NCOA1: variants seen among roughly 807,000 people sequenced by gnomAD.
NCOA1 encodes nuclear receptor coactivator 1.
Under a neutral mutation model 150.9 loss-of-function variants are expected in NCOA1, and 35 were observed. The observed-to-expected ratio is 0.23, with a 90% CI of 0.18 to 0.31. NCOA1 has a LOEUF of 0.31. Ranked by LOEUF, NCOA1 falls within the 10% of genes least tolerant of loss-of-function variation. The pLI, the probability that NCOA1 is intolerant of heterozygous loss-of-function variation, is 1.00. For synonymous variants in NCOA1, 590 were observed against 630.0 expected (o/e 0.94, Z 0.95); for missense variants, 1,491 against 1,749.3 (o/e 0.85, Z 2.63).
At chr2:24,582,630 A>T (rs1465610499) in intron 2 of NCOA1, among the ~76,000 whole-genome samples, 2 of 152,182 alleles carry the variant, frequency 1.3e-5, no homozygotes, top group Non-Finnish European at 2.9e-5. Context: ...GAAACCACAG[A>T]CGACCCCAAA....
chr2:24,578,940 A>G (rs1009485548), intron 2 of NCOA1, among the ~76,000 whole-genome samples: 5 of 152,214 alleles, frequency 3.3e-5, no homozygotes, highest in South Asian at 4.1e-4. Context: ...TCCATTACAT[A>G]TAAGTGTTAG....
intron 1 of NCOA1, among the ~76,000 whole-genome samples, chr2:24,557,941 T>G (rs1433408516): frequency 6.6e-6 from 1 of 151,438 alleles, no homozygotes; most frequent in Non-Finnish European, 1.5e-5. Context: ...TGTGTGTGCT[T>G]TTGGTGTTTA....
At chr2:24,656,799 C>A (rs775256156) in intron 4 of NCOA1, among the ~76,000 whole-genome samples, 106 of 152,300 alleles carry the variant, frequency 7.0e-4, no homozygotes, top group Admixed American at 1.8e-3. Context: ...AGATTTCATT[C>A]TTTTTTGTGG....
chr2:24,667,429 CA>C (rs1210579014), intron 6 of NCOA1, among the ~76,000 whole-genome samples: 1 of 151,970 alleles, frequency 6.6e-6, no homozygotes, highest in African/African-American at 2.4e-5. Context: ...TTAATGTGAA[CA>C]AAAAGCCAGG....
chr2:24,544,699 G>A (rs996895190), intron 1 of NCOA1, among the ~76,000 whole-genome samples: 7 of 152,168 alleles, frequency 4.6e-5, no homozygotes, highest in African/African-American at 1.7e-4. Context: ...TGATTGTGCT[G>A]CTGCACTCCT....
rs914961363 is a variant in NCOA1, at chr2:24,491,315, T to C, written c.-683T>C. ...CGCGGAGAGCGGCTGAAATGCCTGT[T>C]CTTCAGGCCGGGCGAGCGGGAGTCT... is the stretch of plus-strand genomic sequence containing the variant. On this transcript the variant is annotated 5_prime_UTR_variant, in exon 1 of 23. Transcript: ENST00000348332. Among the ~76,000 whole-genome samples the C allele has an allele frequency of 4.1e-5, 6 of 146,100 alleles. No individual in the cohort carries two copies. Among genetic ancestry groups the C allele is most frequent in the African/African-American group, 1.5e-4 (6 of 40,350 alleles).
At chr2:24,605,676 AGATATACACT>A (rs2148368887) in intron 3 of NCOA1, among the ~76,000 whole-genome samples, 1 of 152,336 alleles carries the variant, frequency 6.6e-6, no homozygotes, top group East Asian at 1.9e-4. Flanking sequence ...GAGGGTGGCT[AGATATACACT>A]GAAAATTTCC....
At chr2:24,625,093 A>C (rs548786210) in intron 3 of NCOA1, among the ~76,000 whole-genome samples, 1 of 152,322 alleles carries the variant, frequency 6.6e-6, no homozygotes, top group South Asian at 2.1e-4. Flanking sequence ...GTAAGAAACA[A>C]ATGAGTGTGA....
chr2:24,588,096 C>G (rs1234512219), intron 3 of NCOA1, among the ~76,000 whole-genome samples: 1 of 152,080 alleles, frequency 6.6e-6, no homozygotes, highest in East Asian at 1.9e-4. Flanking sequence ...CTCCCCTCCC[C>G]TCTTTGGAGA....
chr2:24,692,616 A>T (rs1023610975), intron 9 of NCOA1, among the ~76,000 whole-genome samples: 8 of 152,222 alleles, frequency 5.3e-5, no homozygotes. Context: ...ACTGTATTTT[A>T]AAAAACACTG....
In NCOA1 at chr2:24,705,143, C is replaced by T. The variant is rs763360750; in HGVS notation, c.1007C>T (p.Thr336Ile). 6.2e-7 allele frequency: 1 copy of T among 1,614,088 alleles called. No individual in the cohort carries two copies. Among genetic ancestry groups the T allele is most frequent in the East Asian group, 2.2e-5 (1 of 44,880 alleles). The change falls in exon 12 of 23, where the codon ACA (threonine) becomes ATA (isoleucine). Residue 336 changes from threonine to isoleucine, a missense_variant. Physicochemically the swap from Thr to Ile is moderately conservative, Grantham distance 89. This residue lies in a region of NCOA1 where 703 missense variants were observed against 717.7 expected (regional missense o/e 0.98). Coordinates refer to ENST00000348332, the MANE Select transcript of NCOA1 (RefSeq NM_003743.5). ...PSYRFILNDGTMLSAHTKCKL... is the reference protein window; with the variant it reads ...PSYRFILNDGIMLSAHTKCKL... ...TATAGATTCATATTGAATGATGGGA[C>T]AATGCTTAGCGCCCACACCAAGTGT...
intron 1 of NCOA1, among the ~76,000 whole-genome samples, chr2:24,554,050 C>T (rs1025884611): frequency 6.6e-6 from 1 of 152,106 alleles, no homozygotes; most frequent in African/African-American, 2.4e-5. Context: ...AGTGATGTCT[C>T]CTTTTCATTA....
intron 12 of NCOA1, among the ~76,000 whole-genome samples, chr2:24,706,019 C>A (rs1673407342): frequency 6.6e-6 from 1 of 151,518 alleles, no homozygotes; most frequent in Admixed American, 6.6e-5. Context: ...ATTGTGATTT[C>A]TCTTTCAAAA....
intron 1 of NCOA1, among the ~76,000 whole-genome samples, chr2:24,549,208 T>C (rs1665728680): frequency 6.6e-6 from 1 of 152,238 alleles, no homozygotes; most frequent in Admixed American, 6.5e-5. Context: ...TGTAAGCTGC[T>C]AAGGCTTGGG....
intron 2 of NCOA1, among the ~76,000 whole-genome samples, chr2:24,582,450 A>G (rs1667230494): frequency 6.6e-6 from 1 of 152,228 alleles, no homozygotes; most frequent in Non-Finnish European, 1.5e-5. Flanking sequence ...AATAAATTGA[A>G]GAGGTCCTAC....
chr2:24,656,603 C>A (rs561431651), intron 4 of NCOA1, among the ~76,000 whole-genome samples: 2 of 152,320 alleles, frequency 1.3e-5, no homozygotes, highest in East Asian at 3.9e-4. Flanking sequence ...TGTTAAACAA[C>A]CTCTGGCTAT....
chr2:24,746,789 A>G (rs1416852544), intron 19 of NCOA1, among the ~76,000 whole-genome samples: 1 of 152,206 alleles, frequency 6.6e-6, no homozygotes, highest in Admixed American at 6.5e-5. Flanking sequence ...GTGGGTACAT[A>G]TCATTATACA....
intron 3 of NCOA1, among the ~76,000 whole-genome samples, chr2:24,631,545 T>A (rs1669710865): frequency 6.6e-6 from 1 of 152,164 alleles, no homozygotes. Flanking sequence ...GTTGGTAAGT[T>A]TGTTTTTTTA....
At chr2:24,668,984 C>A (rs1323554746) in intron 6 of NCOA1, among the ~76,000 whole-genome samples, 3 of 151,974 alleles carry the variant, frequency 2.0e-5, no homozygotes, top group East Asian at 1.9e-4. Context: ...ATTTATATGA[C>A]CCTAGTGACA....
Sources: gnomAD v4.1 joint callset for allele counts (sites outside exome capture counted in the v4.1 genomes callset) on GRCh38, gnomAD v4.1.1 for gene constraint, gnomAD v4.1.1 regional missense constraint, MANE v1.5 for transcripts, NCBI Gene and HGNC (gene_info 2026-07-23, HGNC 2026-07-21) for gene names.